PPP1R37: variants seen among roughly 807,000 people sequenced by gnomAD.
PPP1R37 encodes the protein leucine rich repeat containing 68.
A neutral mutation model predicts 61.0 loss-of-function variants in PPP1R37; 21 were observed. The ratio of observed to expected loss-of-function variants is 0.34; its 90% CI spans 0.24 to 0.50. The LOEUF is 0.50. Among genes scored for constraint, PPP1R37 ranks in the 20% least tolerant of loss-of-function variants. PPP1R37 has a pLI of 0.98. For synonymous variants in PPP1R37, 443 were observed against 433.5 expected, an observed-to-expected ratio of 1.02 and a Z score of -0.27; for missense variants, 910 against 952.7, an observed-to-expected ratio of 0.96 and a Z score of 0.59.
chr19:45,126,965 T>TAG (rs1968413119), intron 1 of PPP1R37, among the ~76,000 whole-genome samples: 1 of 152,218 alleles, frequency 6.6e-6, no homozygotes, highest in African/African-American at 2.4e-5. Flanking sequence ...TGTGTAGTAA[T>TAG]ACGGTCCTAT....
At position 45,107,406 on chromosome 19, in the gene PPP1R37, A is replaced by G. The variant is rs181284408; in HGVS notation, c.202+13879A>G. On this transcript the variant is annotated intron_variant, in intron 1 of 12. Transcript: ENST00000221462. ...CATTTGAGCCCAGGAGTTCGAGACC[A>G]GCCTGGACGACATGGTGAGACCCCA... Among the ~76,000 whole-genome samples, 444 of 152,152 alleles carry G rather than the reference A, an allele frequency of 2.9e-3. 2 individuals are homozygous for G. The highest frequency in any genetic ancestry group is 1.0e-2 in the African/African-American group (414 of 41,526).
At chr19:45,125,187 G>A (rs375631821) in intron 1 of PPP1R37, among the ~76,000 whole-genome samples, 15 of 152,024 alleles carry the variant, frequency 9.9e-5, no homozygotes, top group African/African-American at 2.7e-4. Context: ...GAGCTTGGCC[G>A]GGCACAGTGG....
intron 1 of PPP1R37, among the ~76,000 whole-genome samples, chr19:45,101,071 G>C (rs933237303): frequency 8.2e-5 from 12 of 146,048 alleles, no homozygotes; most frequent in Admixed American, 8.0e-4. Context: ...ATGCTTCTGT[G>C]GGGGTCACAG....
intron 1 of PPP1R37, among the ~76,000 whole-genome samples, chr19:45,119,136 G>A (rs1392663237): frequency 2.0e-5 from 3 of 151,100 alleles, no homozygotes; most frequent in African/African-American, 4.9e-5. Context: ...TTACAGGCAC[G>A]TGCCACAACA....
chr19:45,138,012 G>A (rs750829523), intron 1 of PPP1R37, among the ~76,000 whole-genome samples: 8 of 152,042 alleles, frequency 5.3e-5, no homozygotes, highest in Non-Finnish European at 1.2e-4. Context: ...CAGTGCAAGC[G>A]TTTGGTCTCT....
At position 45,093,394 on chromosome 19, in the gene PPP1R37, T is replaced by A; in HGVS notation, c.69T>A (p.Ala23=). 1 of 1,532,976 alleles carries A rather than the reference T, an allele frequency of 6.5e-7. No individual in the cohort carries two copies. Among genetic ancestry groups the A allele is most frequent in the Non-Finnish European group, 8.7e-7 (1 of 1,145,482 alleles). 95.0% of individuals were successfully genotyped at this position (1,532,976 alleles called of 1,614,324 possible). ...ACGGCGACATTGAAGAGGCCCCAGC[T>A]GAGGCCGGGTCTCCCAGCCCCGCGT... is the stretch of plus-strand genomic sequence containing the variant. ...GADGDIEEAP[A]EAGSPSPASP... The change falls in exon 1 of 13, where the codon GCT becomes GCA. Residue 23 remains alanine, a synonymous_variant. Coordinates refer to ENST00000221462, the MANE Select transcript of PPP1R37 (RefSeq NM_019121.2).
chr19:45,109,673 C>T (rs1968175589), intron 1 of PPP1R37, among the ~76,000 whole-genome samples: 1 of 152,210 alleles, frequency 6.6e-6, no homozygotes, highest in Non-Finnish European at 1.5e-5. Flanking sequence ...TATGGAGGCT[C>T]AGCAAGTCCC....
At chr19:45,112,951 C>G (rs1293710258) in intron 1 of PPP1R37, among the ~76,000 whole-genome samples, 1 of 152,146 alleles carries the variant, frequency 6.6e-6, no homozygotes, top group East Asian at 1.9e-4. Flanking sequence ...CCATGTAAGC[C>G]CAAAGCCTCA....
At chr19:45,129,119 T>C in intron 1 of PPP1R37, 1 of 499,970 alleles carries the variant, frequency 2.0e-6, no homozygotes, top group South Asian at 1.8e-5. Context: ...GCTGGACTCT[T>C]CCTACACAAT....
intron 1 of PPP1R37, among the ~76,000 whole-genome samples, chr19:45,101,260 G>A (rs1968058992): frequency 6.6e-6 from 1 of 152,178 alleles, no homozygotes; most frequent in Non-Finnish European, 1.5e-5. Context: ...GTGCACCAGG[G>A]GTGGAAGGCA....
chr19:45,133,567 G>C (rs1030610530), intron 1 of PPP1R37, among the ~76,000 whole-genome samples: 2 of 152,166 alleles, frequency 1.3e-5, no homozygotes, highest in Non-Finnish European at 2.9e-5. Context: ...ACCTGGCTCT[G>C]AGCTCCAGCC....
At chr19:45,127,412 C>T (rs1365257968) in intron 1 of PPP1R37, among the ~76,000 whole-genome samples, 3 of 151,022 alleles carry the variant, frequency 2.0e-5, no homozygotes, top group African/African-American at 4.9e-5. Context: ...CCTGGGCTAC[C>T]TGGAATAGTC....
chr19:45,140,462 G>A (rs1442830843), intron 3 of PPP1R37, 44 bp from the exon 4 acceptor site: 2 of 1,466,384 alleles, frequency 1.4e-6, no homozygotes, highest in East Asian at 4.9e-5. Context: ...GCCATGCAAA[G>A]GTGCACTGTC....
intron 1 of PPP1R37, among the ~76,000 whole-genome samples, chr19:45,131,506 T>C (rs1364366510): frequency 6.6e-6 from 1 of 152,142 alleles, no homozygotes; most frequent in African/African-American, 2.4e-5. Flanking sequence ...TGTCTTTTCT[T>C]CTCCCAGATT....
intron 2 of PPP1R37, among the ~76,000 whole-genome samples, chr19:45,139,254 C>A (rs550558140): frequency 6.6e-6 from 1 of 152,322 alleles, no homozygotes; most frequent in South Asian, 2.1e-4. Flanking sequence ...TAACACATAT[C>A]CTCAGATTTA....
intron 1 of PPP1R37, among the ~76,000 whole-genome samples, chr19:45,119,864 G>A (rs74604484): frequency 2.6e-5 from 4 of 152,256 alleles, no homozygotes; most frequent in Admixed American, 2.0e-4. Context: ...GGAGGCCGCC[G>A]CCCCAGGAGG....
intron 1 of PPP1R37, among the ~76,000 whole-genome samples, chr19:45,097,834 T>C (rs1968012999): frequency 6.6e-6 from 1 of 152,072 alleles, no homozygotes; most frequent in Non-Finnish European, 1.5e-5. Flanking sequence ...CACTCAGTTG[T>C]TGAATGAGCG....
chr19:45,143,075 C>T lies in PPP1R37; in HGVS notation c.875-446C>T, dbSNP rs572130924. The T allele has an allele frequency of 2.0e-4, 34 of 169,116 alleles. 1 individual carries two copies. In the South Asian group the frequency reaches 4.8e-3, roughly 24 times the overall value. The allele number at this position is 169,116 out of a possible 1,614,324, so 10.5% of individuals were successfully genotyped here. On this transcript the variant is annotated intron_variant, in intron 7 of 12. Transcript: ENST00000221462. ...GCCCAGACCCCACTCTACTGAGCACCTGCCAAGGGCCATGGCTGTCGGCCC... is the reference window on the plus strand; with the variant it reads ...GCCCAGACCCCACTCTACTGAGCACTTGCCAAGGGCCATGGCTGTCGGCCC...
Position 45,120,708 on chromosome 19 carries a change from C to A in PPP1R37, c.203-17806C>A, listed in dbSNP as rs943846150. Among the ~76,000 whole-genome samples the A allele has an allele frequency of 2.0e-5, 3 of 152,052 alleles. No homozygotes were observed. In the South Asian group the frequency reaches 6.2e-4, roughly 32 times the overall value. On this transcript the variant is annotated intron_variant, in intron 1 of 12. Transcript: ENST00000221462. Reference sequence around the variant, plus strand: ...AGTGGCGCTGTCTCATTGCAACATCCGCCTCCCAGGTTCAAGCGATTCTCC... The same window carrying A: ...AGTGGCGCTGTCTCATTGCAACATCAGCCTCCCAGGTTCAAGCGATTCTCC...
Sources: gnomAD v4.1 joint callset for allele counts (sites outside exome capture counted in the v4.1 genomes callset) on GRCh38, gnomAD v4.1.1 for gene constraint, MANE v1.5 for transcripts, NCBI Gene and HGNC (gene_info 2026-07-23, HGNC 2026-07-21) for gene names.